The following TRIP13 variants were observed in gnomAD, a reference collection of about 807,000 sequenced individuals.
The protein encoded by TRIP13 is thyroid hormone receptor interactor 13, also known as pachytene checkpoint protein 2 homolog.
A neutral mutation model predicts 54.4 loss-of-function variants in TRIP13; 25 were observed. That is an observed-to-expected ratio of 0.46 (90% CI 0.33 to 0.64). The LOEUF is 0.64. TRIP13 is among the 30% of genes least tolerant of loss of function. The probability of loss-of-function intolerance (pLI) is 0.02; values close to 1 mark genes in which losing one functional copy is unlikely to be tolerated. For synonymous variants in TRIP13, 207 were observed against 207.8 expected, an observed-to-expected ratio of 1.00 and a Z score of 0.03; for missense variants, 373 against 534.2, an observed-to-expected ratio of 0.70 and a Z score of 2.97.
At chr5:893,628 G>A in intron 1 of TRIP13, 1 of 174,822 alleles carries the variant, frequency 5.7e-6, no homozygotes, top group Non-Finnish European at 1.3e-5. Context: ...GGGGCCTGTG[G>A]GCTGTGCTGC....
chr5:912,520 C>T lies in TRIP13; in HGVS notation c.1020+524C>T, dbSNP rs72703192. On this transcript the variant is annotated intron_variant, in intron 10 of 12. Coordinates refer to ENST00000166345, the MANE Select transcript of TRIP13 (RefSeq NM_004237.4). This position sits in a 1 kb window ranked among gnomAD's most constrained non-coding sequence, Gnocchi z 7.2. ...GGTTGTGTGTGTGAGTCAGGAAGGC[C>T]GTCGCCACGGGCAGAGCGACGCGTG... Among the ~76,000 whole-genome samples, 12,321 of 151,188 alleles carry T rather than the reference C, an allele frequency of 0.081. 725 individuals are homozygous for T. The highest frequency in any genetic ancestry group is 0.17 in the African/African-American group (6,908 of 41,106).
intron 11 of TRIP13, 115 bp downstream of exon 11, chr5:914,692 A>C (rs1042114719): frequency 3.8e-6 from 3 of 781,520 alleles, no homozygotes; most frequent in East Asian, 5.0e-5. Context: ...CTCTCAACAC[A>C]GTATAGGTAT....
chr5:894,324 A>G (rs6555568), intron 1 of TRIP13, among the ~76,000 whole-genome samples: 25,348 of 152,072 alleles, frequency 0.17, 4,644 homozygotes, highest in African/African-American at 0.46. Flanking sequence ...AAGGGGGACC[A>G]AGGGAAGCCC....
At chr5:904,300 C>A in intron 6 of TRIP13, 80 bp downstream of exon 6, 1 of 1,174,476 alleles carries the variant, frequency 8.5e-7, no homozygotes, top group Non-Finnish European at 1.2e-6. Flanking sequence ...TTTTCTAAAT[C>A]ATTTTACGCA....
chr5:899,957 A>G (rs10051835), intron 3 of TRIP13, among the ~76,000 whole-genome samples: 1,142 of 41,700 alleles, frequency 0.027, 38 homozygotes, highest in Middle Eastern at 0.08. Context: ...GATGGGCTCT[A>G]GCAGGCCAAG....
chr5:917,223 A>G lies in TRIP13; in HGVS notation c.*120A>G. On this transcript the variant is annotated 3_prime_UTR_variant, in exon 13 of 13. Transcript: ENST00000166345. ...GCAAACCAAACGTTACTTAGACTGC[A>G]AGCTAGAAAGCCACCAAGGCCAGGC... 2.3e-6 allele frequency: 2 copies of G among 858,184 alleles called. No homozygotes were observed. Among genetic ancestry groups the G allele is most frequent in the Non-Finnish European group, 3.6e-6 (2 of 563,264 alleles). 53.2% of individuals were successfully genotyped at this position (858,184 alleles called of 1,614,324 possible). A position where few individuals can be genotyped will look rare whatever the true frequency, so the allele number is the denominator to read the frequency against.
At chr5:900,582 G>A in intron 4 of TRIP13, 33 bp downstream of exon 4, 1 of 1,605,602 alleles carries the variant, frequency 6.2e-7, no homozygotes, top group Non-Finnish European at 8.5e-7. Flanking sequence ...AGAATGCCCT[G>A]TTATTTGAAG....
In TRIP13 at chr5:911,528, A is replaced by G. The variant is rs1196567223; in HGVS notation, c.867-315A>G. On this transcript the variant is annotated intron_variant, in intron 9 of 12. Coordinates refer to ENST00000166345, the MANE Select transcript of TRIP13 (RefSeq NM_004237.4). This position sits in a 1 kb window ranked among gnomAD's most constrained non-coding sequence, Gnocchi z 4.7. Reference sequence around the variant, plus strand: ...GGAGCTTGCAGTGAGCCGAGATAGCACCACTGCACTCCAGCCTGGGCGAAA... The same window carrying G: ...GGAGCTTGCAGTGAGCCGAGATAGCGCCACTGCACTCCAGCCTGGGCGAAA... Among the ~76,000 whole-genome samples the G allele has an allele frequency of 6.6e-6, 1 of 151,488 alleles. No homozygotes were observed. The highest frequency in any genetic ancestry group is 1.5e-5 in the Non-Finnish European group (1 of 67,872).
chr5:911,565 T>C lies in TRIP13; in HGVS notation c.867-278T>C, dbSNP rs904886288. Among the ~76,000 whole-genome samples, 1 of 148,252 alleles carries C rather than the reference T, an allele frequency of 6.7e-6. No homozygotes were observed. Among genetic ancestry groups the C allele is most frequent in the African/African-American group, 2.5e-5 (1 of 40,132 alleles). On this transcript the variant is annotated intron_variant, in intron 9 of 12. Transcript: ENST00000166345. The surrounding 1 kb of genome is among the most constrained non-coding windows in gnomAD (Gnocchi z 4.7). ...CAGCCTGGGCGAAAGAGCGAGACTCTGTCTCAAAAAAAAAAAAAAAGGAAA... is the reference window on the plus strand; with the variant it reads ...CAGCCTGGGCGAAAGAGCGAGACTCCGTCTCAAAAAAAAAAAAAAAGGAAA...
rs1754134651 is a variant in TRIP13, at chr5:907,266, C to T, written c.672+73C>T. On this transcript the variant is annotated intron_variant, in intron 7 of 12. Transcript: ENST00000166345. The surrounding 1 kb of genome is among the most constrained non-coding windows in gnomAD (Gnocchi z 4.1). Reference sequence around the variant, plus strand: ...AAATGTCTTGTATGTTAGGCAAATCCTCCTCCAGAAGCTTCAGGAGAGAAC... The same window carrying T: ...AAATGTCTTGTATGTTAGGCAAATCTTCCTCCAGAAGCTTCAGGAGAGAAC... 1.5e-6 allele frequency: 2 copies of T among 1,329,356 alleles called. No homozygotes were observed. Among genetic ancestry groups the T allele is most frequent in the African/African-American group, 1.5e-5 (1 of 68,934 alleles). 82.3% of individuals were successfully genotyped at this position (1,329,356 alleles called of 1,614,324 possible).
chr5:910,706 T>G (rs2150689824), intron 9 of TRIP13, among the ~76,000 whole-genome samples: 1 of 152,158 alleles, frequency 6.6e-6, no homozygotes, highest in Middle Eastern at 3.4e-3. Flanking sequence ...ACTCTTTCTG[T>G]CCCCCACCAG....
chr5:906,330 G>A (rs906866425), intron 6 of TRIP13, among the ~76,000 whole-genome samples: 25 of 150,904 alleles, frequency 1.7e-4, no homozygotes, highest in Non-Finnish European at 2.2e-4. Flanking sequence ...GCAAAAAGAA[G>A]TCCTAGCAAG....
intron 2 of TRIP13, among the ~76,000 whole-genome samples, chr5:896,339 CAAAA>C (rs1252472834): frequency 6.6e-6 from 1 of 151,926 alleles, no homozygotes; most frequent in Non-Finnish European, 1.5e-5. Flanking sequence ...TAAAAAAAAA[CAAAA>C]AACCTTATAT....
At chr5:902,382 G>T (rs1473645022) in intron 5 of TRIP13, among the ~76,000 whole-genome samples, 2 of 152,150 alleles carry the variant, frequency 1.3e-5, no homozygotes. Flanking sequence ...GACAGGCCCC[G>T]CATACTGCCC....
chr5:913,943 C>T lies in TRIP13; in HGVS notation c.1021-522C>T, dbSNP rs1283529446. 1.3e-5 allele frequency among the ~76,000 whole-genome samples: 2 copies of T among 152,188 alleles called. No homozygotes were observed. The highest frequency in any genetic ancestry group is 2.9e-5 in the Non-Finnish European group (2 of 68,034). On this transcript the variant is annotated intron_variant, in intron 10 of 12. Transcript: ENST00000166345. This position sits in a 1 kb window ranked among gnomAD's most constrained non-coding sequence, Gnocchi z 4.5. The stretch of plus-strand genomic sequence containing the variant: ...TGCTTGGAAAAGCATGACTTCCAGA[C>T]AAATGATCTCTGAGGGGAACTTCTG...
chr5:908,706 C>T lies in TRIP13; in HGVS notation c.866+245C>T. On this transcript the variant is annotated intron_variant, in intron 9 of 12. Coordinates refer to ENST00000166345, the MANE Select transcript of TRIP13 (RefSeq NM_004237.4). This position sits in a 1 kb window ranked among gnomAD's most constrained non-coding sequence, Gnocchi z 5.2. ...AGGCGCGGTGGCTCACACCTGTAAT[C>T]CCAGCACTTTGGGAGGCCGAGGCAG... The T allele has an allele frequency of 8.0e-7, 1 of 1,249,382 alleles. No homozygotes were observed. Among genetic ancestry groups the T allele is most frequent in the Non-Finnish European group, 1.0e-6 (1 of 979,966 alleles). 77.4% of individuals were successfully genotyped at this position (1,249,382 alleles called of 1,614,324 possible).
chr5:914,587 G>T lies in TRIP13; in HGVS notation c.1133+10G>T. On this transcript the variant is annotated intron_variant, in intron 11 of 12. Transcript: ENST00000166345. ...TGAATGACATTTCAAGGTGCAAATT[G>T]ACCTCATTTTTGTAATCAAGAAGAA... The T allele has an allele frequency of 1.2e-6, 2 of 1,600,514 alleles. No homozygotes were observed. The highest frequency in any genetic ancestry group is 2.2e-5 in the South Asian group (2 of 90,732).
Position 893,119 on chromosome 5 carries a change from T to TGGGCA in TRIP13, c.92+30_92+34dup, listed in dbSNP as rs1482995660. On this transcript the variant is annotated intron_variant, in intron 1 of 12. Coordinates refer to ENST00000166345, the MANE Select transcript of TRIP13 (RefSeq NM_004237.4). ...AGCCGGACCTGTCCGACACATCCTC[T>TGGGCA]GGGCACCCACCCGCCCCGACCCCAG... 1.9e-6 allele frequency: 3 copies of TGGGCA among 1,554,770 alleles called. No individual in the cohort carries two copies. In the African/African-American group the frequency reaches 4.1e-5, roughly 21 times the overall value.
intron 5 of TRIP13, among the ~76,000 whole-genome samples, chr5:903,856 C>T (rs951466983): frequency 2.6e-5 from 4 of 152,106 alleles, no homozygotes; most frequent in Admixed American, 2.0e-4. Context: ...TCATTCCCGA[C>T]GCTAAGTGAG....
Sources: gnomAD v4.1 joint callset for allele counts (sites outside exome capture counted in the v4.1 genomes callset) on GRCh38, gnomAD v4.1.1 for gene constraint, Gnocchi (gnomAD v3.1) non-coding constraint, MANE v1.5 for transcripts, NCBI Gene and HGNC (gene_info 2026-07-23, HGNC 2026-07-21) for gene names.